The following JPH2 variants were observed in gnomAD, a reference collection of about 807,000 sequenced individuals.
JPH2 encodes junctophilin 2, also known as junctophilin-2.
In JPH2, 38 loss-of-function variants were observed where a neutral mutation model predicts 55.9. The ratio of observed to expected loss-of-function variants is 0.68; its 90% CI spans 0.52 to 0.89. JPH2 has a LOEUF of 0.89. Ranked by LOEUF, JPH2 falls within the 40% of genes least tolerant of loss-of-function variation. The pLI is 0.00. For missense variants in JPH2, 964 were observed against 1,037.6 expected (o/e 0.93, Z 0.97); for synonymous variants, 480 against 472.4 (o/e 1.02, Z -0.21).
intron 1 of JPH2, among the ~76,000 whole-genome samples, chr20:44,164,691 CAAACAAACAA>C (rs2072642138): frequency 6.6e-6 from 1 of 151,204 alleles, no homozygotes; most frequent in African/African-American, 2.4e-5. Context: ...AACAAACAAA[CAAACAAACAA>C]ACAAACAAAC....
At chr20:44,184,038 T>C (rs1430667972) in intron 1 of JPH2, among the ~76,000 whole-genome samples, 4 of 151,042 alleles carry the variant, frequency 2.6e-5, no homozygotes, top group African/African-American at 7.3e-5. Context: ...TGGGTGCCTG[T>C]CCCAGCTACT....
In JPH2 at chr20:44,108,855, A is replaced by T. The variant is rs1263668579; in HGVS notation, c.*4663T>A. Among the ~76,000 whole-genome samples the T allele has an allele frequency of 6.6e-6, 1 of 151,852 alleles. No individual in the cohort carries two copies. Among genetic ancestry groups the T allele is most frequent in the Non-Finnish European group, 1.5e-5 (1 of 67,962 alleles). On this transcript the variant is annotated 3_prime_UTR_variant, in exon 6 of 6. Transcript: ENST00000372980. ...CTGTGTGATCCTTACAAATCACGAC[A>T]CTCTCTCCAGACCTGTTTCCCCATA... is the stretch of plus-strand genomic sequence containing the variant.
intron 5 of JPH2, among the ~76,000 whole-genome samples, chr20:44,114,363 C>G (rs560693371): frequency 1.2e-4 from 18 of 152,224 alleles, no homozygotes; most frequent in African/African-American, 4.1e-4. Flanking sequence ...AGTGTTTGAA[C>G]GGTAAGACTT....
At chr20:44,183,582 T>G (rs1048554030) in intron 1 of JPH2, among the ~76,000 whole-genome samples, 1 of 152,236 alleles carries the variant, frequency 6.6e-6, no homozygotes, top group Non-Finnish European at 1.5e-5. Flanking sequence ...CTCCCTGGGC[T>G]AGCTGATGCC....
chr20:44,116,291 G>A lies in JPH2; in HGVS notation c.1384C>T (p.Leu462Phe). 1 of 1,538,360 alleles carries A rather than the reference G, an allele frequency of 6.5e-7. No individual in the cohort carries two copies. The highest frequency in any genetic ancestry group is 1.2e-5 in the South Asian group (1 of 83,562). The change falls in exon 4 of 6, where the codon CTC (leucine) becomes TTC (phenylalanine). Residue 462 changes from leucine to phenylalanine, a missense_variant. By Grantham distance (22) the Leu-to-Phe change is conservative. Transcript: ENST00000372980. ...GGGCTCTCGCGGGGCGGCTGTGGGA[G>A]GCCCGCTGCGCCGGCGCCCCGGTCG... ...PPDRGAGAAG[L>F]PQPPRESPQL...
chr20:44,146,039 T>C (rs535989542), intron 2 of JPH2, among the ~76,000 whole-genome samples: 1 of 150,988 alleles, frequency 6.6e-6, no homozygotes, highest in Admixed American at 6.6e-5. Flanking sequence ...ATTGTTCTTT[T>C]TTTTTTTTTT....
In JPH2 at chr20:44,159,749, C is replaced by G. The variant is rs2072591957; in HGVS notation, c.1038G>C (p.Leu346=). 1 of 1,613,764 alleles carries G rather than the reference C, an allele frequency of 6.2e-7. No homozygotes were observed. Among genetic ancestry groups the G allele is most frequent in the South Asian group, 1.1e-5 (1 of 91,086 alleles). ...REEGKYRHNV[L]VKDTKRRMLQ... is the part of the protein sequence containing the mutation. Reference sequence around the variant, plus strand: ...GCATGCGGCGCTTGGTGTCCTTGACCAGCACGTTGTGGCGGTACTTGCCCT... The same window carrying G: ...GCATGCGGCGCTTGGTGTCCTTGACGAGCACGTTGTGGCGGTACTTGCCCT... The change falls in exon 2 of 6, where the codon CTG becomes CTC. Residue 346 remains leucine (L), a synonymous_variant. Coordinates refer to ENST00000372980, the MANE Select transcript of JPH2 (RefSeq NM_020433.5). The surrounding 1 kb of genome is among the most constrained non-coding windows in gnomAD (Gnocchi z 5.7).
Position 44,116,126 on chromosome 20 carries a change from T to C in JPH2, c.1549A>G (p.Ser517Gly). ...LSPGAWNGEP[S>G]GEGSRSVTPS... is the part of the protein sequence containing the mutation. ...GTGACTGACCGGCTGCCCTCACCGC[T>C]GGGCTCGCCGTTCCAGGCGCCTGGG... The change falls in exon 4 of 6, where the codon AGC becomes GGC. Residue 517 changes from serine to glycine, a missense_variant. Transcript: ENST00000372980. The C allele has an allele frequency of 2.1e-6, 3 of 1,450,840 alleles. No homozygotes were observed. Among genetic ancestry groups the C allele is most frequent in the Non-Finnish European group, 2.7e-6 (3 of 1,112,496 alleles). 89.9% of individuals were successfully genotyped at this position (1,450,840 alleles called of 1,614,324 possible).
At chr20:44,114,620 CA>C (rs2072173173) in intron 5 of JPH2, among the ~76,000 whole-genome samples, 161 bp downstream of exon 5, 2 of 146,026 alleles carry the variant, frequency 1.4e-5, no homozygotes, top group Non-Finnish European at 3.0e-5. Context: ...GCGCTGGTAT[CA>C]AATCACACTC....
At chr20:44,170,914 C>G (rs1379958826) in intron 1 of JPH2, among the ~76,000 whole-genome samples, 1 of 152,226 alleles carries the variant, frequency 6.6e-6, no homozygotes, top group African/African-American at 2.4e-5. Context: ...CTGCGATACT[C>G]CTTAATTCTC....
At position 44,115,796 on chromosome 20, in the gene JPH2, T is replaced by C. The variant is rs1259877706; in HGVS notation, c.1879A>G (p.Ile627Val). The change falls in exon 4 of 6, where the codon ATC becomes GTC. Residue 627 changes from isoleucine to valine, a missense_variant. Transcript: ENST00000372980. The stretch of plus-strand genomic sequence containing the variant: ...GCCCTGGGCTCGGCTTTGGGGATGA[T>C]GGGCTTGGGCTCCAGCTTGGCGGGG... Reference protein sequence around the residue: ...ETPAKLEPKPIIPKAEPRAKA... With the variant: ...ETPAKLEPKPVIPKAEPRAKA... 9 of 1,608,406 alleles carry C rather than the reference T, an allele frequency of 5.6e-6. No individual in the cohort carries two copies. Among genetic ancestry groups the C allele is most frequent in the East Asian group, 2.2e-5 (1 of 44,838 alleles).
chr20:44,173,629 A>T (rs1379608982), intron 1 of JPH2, among the ~76,000 whole-genome samples: 3 of 152,186 alleles, frequency 2.0e-5, no homozygotes, highest in Non-Finnish European at 4.4e-5. Context: ...CAACAAACAA[A>T]CAAAGGCTGG....
At chr20:44,143,317 AC>A (rs2072471469) in intron 2 of JPH2, among the ~76,000 whole-genome samples, 1 of 152,038 alleles carries the variant, frequency 6.6e-6, no homozygotes, top group Non-Finnish European at 1.5e-5. Flanking sequence ...TCCTGTGTCT[AC>A]CCCTAGTTTC....
chr20:44,135,107 T>C (rs2072400462), intron 2 of JPH2, among the ~76,000 whole-genome samples: 1 of 151,352 alleles, frequency 6.6e-6, no homozygotes, highest in Admixed American at 6.6e-5. Flanking sequence ...TGACCATACC[T>C]ACTGGGGTGC....
At chr20:44,178,105 T>C (rs2072749977) in intron 1 of JPH2, 1 of 744,320 alleles carries the variant, frequency 1.3e-6, no homozygotes, top group South Asian at 1.4e-5. Context: ...AAATATCACA[T>C]GTCTTCCTTT....
chr20:44,183,642 G>T (rs971845085), intron 1 of JPH2, among the ~76,000 whole-genome samples: 7 of 152,136 alleles, frequency 4.6e-5, no homozygotes, highest in Admixed American at 4.6e-4. Flanking sequence ...ACACTTCCTG[G>T]CCACTGTCAA....
At chr20:44,179,666 T>A (rs781032009) in intron 1 of JPH2, among the ~76,000 whole-genome samples, 32 of 152,172 alleles carry the variant, frequency 2.1e-4, no homozygotes, top group Non-Finnish European at 3.7e-4. Context: ...AAAGAAGGGG[T>A]CCACATTTTC....
At chr20:44,125,513 C>A (rs903094469) in intron 2 of JPH2, among the ~76,000 whole-genome samples, 3 of 152,210 alleles carry the variant, frequency 2.0e-5, no homozygotes, top group Non-Finnish European at 4.4e-5. Context: ...ACCCATGACA[C>A]CAAGCTGCTG....
chr20:44,186,217 C>T (rs2072838783), intron 1 of JPH2, 110 bp downstream of exon 1: 1 of 1,269,122 alleles, frequency 7.9e-7, no homozygotes, highest in African/African-American at 1.5e-5. Context: ...AAATCACTTC[C>T]TAGCCCATCT....
Sources: allele counts gnomAD v4.1 joint callset (sites outside exome capture counted in the v4.1 genomes callset), GRCh38; gene constraint gnomAD v4.1.1; non-coding constraint Gnocchi (gnomAD v3.1); transcripts MANE v1.5; gene names NCBI Gene and HGNC (gene_info 2026-07-23, HGNC 2026-07-21).